KLHL20: variants seen among roughly 807,000 people sequenced by gnomAD.
KLHL20 encodes kelch-like protein 20.
Under a neutral mutation model 69.5 loss-of-function variants are expected in KLHL20, and 29 were observed. That is an observed-to-expected ratio of 0.42 (90% CI 0.31 to 0.57). KLHL20 has a LOEUF of 0.57. KLHL20 is among the 20% of genes least tolerant of loss of function. The pLI is 0.18. For missense variants in KLHL20, 419 were observed against 776.0 expected (o/e 0.54, Z 5.47); for synonymous variants, 253 against 265.2 (o/e 0.95, Z 0.45).
In KLHL20 at chr1:173,782,186, C is replaced by T; in HGVS notation, c.1701C>T (p.Tyr567=). 6.2e-7 allele frequency: 1 copy of T among 1,614,046 alleles called. No individual in the cohort carries two copies. Among genetic ancestry groups the T allele is most frequent in the Non-Finnish European group, 8.5e-7 (1 of 1,179,946 alleles). The change falls in exon 11 of 12, where the codon TAC becomes TAT. Residue 567 remains tyrosine, a synonymous_variant. Coordinates refer to ENST00000209884, the MANE Select transcript of KLHL20 (RefSeq NM_014458.4). ...MAVGGFDGTT[Y]LKTIEVFDPD... ...TAGGAGGTTTTGATGGCACAACATACTTGAAGACCATAGAAGTTTTTGATC... is the reference window on the plus strand; with the variant it reads ...TAGGAGGTTTTGATGGCACAACATATTTGAAGACCATAGAAGTTTTTGATC...
chr1:173,775,057 C>T (rs1388737183), intron 9 of KLHL20, among the ~76,000 whole-genome samples: 1 of 152,166 alleles, frequency 6.6e-6, no homozygotes, highest in Non-Finnish European at 1.5e-5. Context: ...GTGATCTGCC[C>T]ACCTCAGCCT....
chr1:173,757,281 A>C, intron 7 of KLHL20, 122 bp downstream of exon 7: 1 of 902,090 alleles, frequency 1.1e-6, no homozygotes, highest in African/African-American at 1.7e-5. Flanking sequence ...TTGGCAACCT[A>C]AACAAGTTAG....
intron 10 of KLHL20, among the ~76,000 whole-genome samples, chr1:173,778,060 AT>A (rs957985194): frequency 6.0e-5 from 9 of 151,156 alleles, no homozygotes; most frequent in African/African-American, 1.9e-4. Context: ...TTGCCGGAAG[AT>A]TTTTTTTTCT....
intron 5 of KLHL20, 39 bp downstream of exon 5, chr1:173,753,346 C>A: frequency 6.9e-7 from 1 of 1,446,082 alleles, no homozygotes; most frequent in Non-Finnish European, 9.7e-7. Flanking sequence ...AACAACTAAG[C>A]ATTCCTATTT....
At chr1:173,770,769 T>C (rs1285134472) in intron 8 of KLHL20, among the ~76,000 whole-genome samples, 2 of 150,188 alleles carry the variant, frequency 1.3e-5, no homozygotes, top group East Asian at 1.9e-4. Flanking sequence ...AAATCTATTA[T>C]ACAGGTGATA....
intron 11 of KLHL20, 132 bp from the exon 12 acceptor site, chr1:173,785,031 T>G (rs1280325478): frequency 1.5e-6 from 1 of 647,634 alleles, no homozygotes; most frequent in Non-Finnish European, 2.6e-6. Flanking sequence ...ACAATATTAG[T>G]GTGAAGCTGA....
At chr1:173,779,985 A>G (rs1648753633) in intron 10 of KLHL20, among the ~76,000 whole-genome samples, 1 of 152,308 alleles carries the variant, frequency 6.6e-6, no homozygotes, top group Middle Eastern at 3.4e-3. Flanking sequence ...AGAGCAAAAT[A>G]TAACCCATTA....
At chr1:173,761,187 T>C (rs1353156310) in intron 7 of KLHL20, among the ~76,000 whole-genome samples, 1 of 152,144 alleles carries the variant, frequency 6.6e-6, no homozygotes, top group East Asian at 1.9e-4. Flanking sequence ...AAAAATATCA[T>C]AGTCTTAAAC....
At chr1:173,721,414 T>C (rs1671707972) in intron 2 of KLHL20, among the ~76,000 whole-genome samples, 2 of 152,246 alleles carry the variant, frequency 1.3e-5, no homozygotes, top group African/African-American at 2.4e-5. Flanking sequence ...TTCCGTCTAC[T>C]ATAGACACTA....
intron 3 of KLHL20, among the ~76,000 whole-genome samples, chr1:173,738,085 T>G (rs574935754): frequency 6.6e-6 from 1 of 152,312 alleles, no homozygotes; most frequent in East Asian, 1.9e-4. Flanking sequence ...ACTGAATTCA[T>G]TTACCAGTTC....
At chr1:173,748,143 C>T (rs1673154391) in intron 3 of KLHL20, among the ~76,000 whole-genome samples, 1 of 151,960 alleles carries the variant, frequency 6.6e-6, no homozygotes, top group Non-Finnish European at 1.5e-5. Flanking sequence ...AACCCTATAT[C>T]TATGAAATAA....
rs7536773 is a variant in KLHL20, at chr1:173,766,239, T to C, written c.1245T>C (p.Leu415=). The C allele has an allele frequency of 0.018, 29,781 of 1,611,302 alleles. 3,942 individuals are homozygous for C. In the African/African-American group the frequency reaches 0.31, roughly 17 times the overall value. Residue 415 remains leucine (L), a synonymous_variant, in exon 8 of 12, where the codon CTT becomes CTC. Coordinates refer to ENST00000209884, the MANE Select transcript of KLHL20 (RefSeq NM_014458.4). ...SVGVAVLGGF[L]YAVGGQDGVS... is the part of the protein sequence containing the mutation. ...GTGTAGCAGTACTTGGAGGCTTTCT[T>C]TATGCTGTGGGTGGCCAGGATGGTG...
At chr1:173,727,846 C>T (rs1174584613) in intron 2 of KLHL20, among the ~76,000 whole-genome samples, 4 of 152,228 alleles carry the variant, frequency 2.6e-5, no homozygotes, top group African/African-American at 7.2e-5. Context: ...CATCAACTAA[C>T]GAGCAAAATA....
chr1:173,773,283 T>TA (rs1491580558), intron 8 of KLHL20, among the ~76,000 whole-genome samples: 110 of 151,436 alleles, frequency 7.3e-4, no homozygotes, highest in Admixed American at 2.3e-3. Context: ...TTTTTTTTTT[T>TA]ATCTTTTTTT....
chr1:173,742,663 A>G (rs945876559), intron 3 of KLHL20, among the ~76,000 whole-genome samples: 2 of 151,134 alleles, frequency 1.3e-5, no homozygotes, highest in African/African-American at 4.8e-5. Context: ...ATATACACGT[A>G]TGTGTATATA....
chr1:173,731,245 A>T (rs1672261294), intron 2 of KLHL20, among the ~76,000 whole-genome samples: 1 of 152,224 alleles, frequency 6.6e-6, no homozygotes, highest in Admixed American at 6.5e-5. Context: ...GTGGAGAAAT[A>T]GAAACACTTT....
chr1:173,719,022 G>A (rs1371833646), intron 2 of KLHL20, among the ~76,000 whole-genome samples: 1 of 150,108 alleles, frequency 6.7e-6, no homozygotes, highest in African/African-American at 2.5e-5. Flanking sequence ...GGAGAATGGC[G>A]TGAACCTGGG....
chr1:173,763,868 A>AT (rs1647497562), intron 7 of KLHL20, among the ~76,000 whole-genome samples: 2 of 147,558 alleles, frequency 1.4e-5, no homozygotes, highest in African/African-American at 4.9e-5. Flanking sequence ...AAATGCAATA[A>AT]AAAAAAAAAA....
intron 7 of KLHL20, among the ~76,000 whole-genome samples, chr1:173,762,968 T>C (rs1201667773): frequency 1.3e-5 from 2 of 152,218 alleles, no homozygotes; most frequent in Admixed American, 6.5e-5. Flanking sequence ...ATTGTTTACC[T>C]TGAAAATCCT....
Sources: allele counts gnomAD v4.1 joint callset (sites outside exome capture counted in the v4.1 genomes callset), GRCh38; gene constraint gnomAD v4.1.1; transcripts MANE v1.5; gene names NCBI Gene and HGNC (gene_info 2026-07-23, HGNC 2026-07-21).